NSUN6: variants seen among roughly 807,000 people sequenced by gnomAD.
NSUN6 encodes the protein NOP2/Sun RNA methyltransferase 6.
Under a neutral mutation model 58.0 loss-of-function variants are expected in NSUN6, and 64 were observed. The ratio of observed to expected loss-of-function variants is 1.10; its 90% CI spans 0.90 to 1.36. The LOEUF is 1.36. Among genes scored for constraint, NSUN6 ranks in the 40% most tolerant of loss-of-function variants. The pLI is 0.00. For synonymous variants in NSUN6, 231 were observed against 193.9 expected, an observed-to-expected ratio of 1.19 and a Z score of -1.59; for missense variants, 701 against 550.1, an observed-to-expected ratio of 1.27 and a Z score of -2.74.
intron 3 of NSUN6, among the ~76,000 whole-genome samples, chr10:18,616,650 C>T (rs1453772395): frequency 6.6e-6 from 1 of 152,216 alleles, no homozygotes; most frequent in Admixed American, 6.5e-5. Flanking sequence ...ATTACAAAAA[C>T]ATTTCTAAAG....
chr10:18,652,958 C>T, upstream of NSUN6: 1 of 984,608 alleles, frequency 1.0e-6, no homozygotes, highest in Non-Finnish European at 1.2e-6. Context: ...AGTAATTTGG[C>T]TTCTAGAGCC....
intron 8 of NSUN6, among the ~76,000 whole-genome samples, chr10:18,572,882 TCATTCCATTCTCCATTCCATTTTCCATTC>T (rs2056449784): frequency 6.9e-6 from 1 of 144,332 alleles, no homozygotes; most frequent in Non-Finnish European, 1.5e-5. Context: ...TTTCTCCATT[TCATTCCATTCTCCATTCCATTTTCCATTC>T]CATTCCATCC....
intron 3 of NSUN6, among the ~76,000 whole-genome samples, chr10:18,641,073 T>C (rs1289923145): frequency 1.3e-5 from 2 of 152,122 alleles, no homozygotes; most frequent in Non-Finnish European, 2.9e-5. Context: ...AGCAATTTGC[T>C]TTTGATACTT....
intron 3 of NSUN6, among the ~76,000 whole-genome samples, chr10:18,642,146 G>C (rs1289992503): frequency 6.6e-6 from 1 of 151,808 alleles, no homozygotes; most frequent in African/African-American, 2.4e-5. Context: ...GCTCAAAAAA[G>C]AGTTTTAATT....
chr10:18,632,608 C>T (rs2059072295), intron 3 of NSUN6, among the ~76,000 whole-genome samples: 1 of 152,032 alleles, frequency 6.6e-6, no homozygotes, highest in Non-Finnish European at 1.5e-5. Flanking sequence ...CATGAACAGA[C>T]ACTTCTCAAA....
At chr10:18,565,890 C>T (rs1038121691) in intron 8 of NSUN6, among the ~76,000 whole-genome samples, 2 of 149,874 alleles carry the variant, frequency 1.3e-5, no homozygotes, top group Admixed American at 1.3e-4. Context: ...CCATTCCATT[C>T]TCCATTCCAT....
rs1393253603 is a variant in NSUN6, at chr10:18,651,219, G to A, written c.-16C>T. 1 of 1,536,058 alleles carries A rather than the reference G, an allele frequency of 6.5e-7. No homozygotes were observed. Among genetic ancestry groups the A allele is most frequent in the African/African-American group, 1.4e-5 (1 of 69,924 alleles). On this transcript the variant is annotated 5_prime_UTR_variant, in exon 1 of 11. Coordinates refer to ENST00000377304, the MANE Select transcript of NSUN6 (RefSeq NM_182543.5). ...AAATAGACATTTTTCCTGTTGTTTAGTTCTCCACCAAGAGAAATGCTGGAA... is the reference window on the plus strand; with the variant it reads ...AAATAGACATTTTTCCTGTTGTTTAATTCTCCACCAAGAGAAATGCTGGAA...
At chr10:18,560,863 A>G (rs1260722061) in intron 8 of NSUN6, among the ~76,000 whole-genome samples, 2 of 151,008 alleles carry the variant, frequency 1.3e-5, no homozygotes, top group Non-Finnish European at 3.0e-5. Flanking sequence ...GCAGTGGTGA[A>G]CAGAATGGAA....
In NSUN6 at chr10:18,545,999, C is replaced by G. The variant is rs2054231287; in HGVS notation, c.1344G>C (p.Leu448Phe). 4 of 1,582,460 alleles carry G rather than the reference C, an allele frequency of 2.5e-6. No homozygotes were observed. The highest frequency in any genetic ancestry group is 1.7e-4 in the Middle Eastern group (1 of 5,858). The change falls in exon 11 of 11, where the codon TTG becomes TTC. Residue 448 changes from leucine to phenylalanine, a missense_variant. Coordinates refer to ENST00000377304, the MANE Select transcript of NSUN6 (RefSeq NM_182543.5). ...CTATAGAGTCCTTATTAGCCAGACGCAACATGTCTTCTCTTCTGGCCTCTC... is the reference window on the plus strand; with the variant it reads ...CTATAGAGTCCTTATTAGCCAGACGGAACATGTCTTCTCTTCTGGCCTCTC... ...SLREARREDM[L>F]RLANKDSIGF...
At chr10:18,629,108 T>G (rs559115097) in intron 3 of NSUN6, among the ~76,000 whole-genome samples, 2 of 152,278 alleles carry the variant, frequency 1.3e-5, no homozygotes, top group Non-Finnish European at 1.5e-5. Flanking sequence ...TTCAACATTC[T>G]TAAAGAAAAG....
chr10:18,564,422 G>GTTCCA (rs1439546738), intron 8 of NSUN6, among the ~76,000 whole-genome samples: 1 of 132,164 alleles, frequency 7.6e-6, no homozygotes, highest in Admixed American at 7.7e-5. Context: ...TCCATTCTCC[G>GTTCCA]TTCCATTCCA....
intron 6 of NSUN6, among the ~76,000 whole-genome samples, chr10:18,597,851 C>T (rs2057655034): frequency 1.3e-5 from 2 of 152,158 alleles, no homozygotes; most frequent in Non-Finnish European, 2.9e-5. Context: ...CTAAGATCAC[C>T]ACTTTGAAAC....
chr10:18,655,066 G>A, upstream of NSUN6: 2 of 981,954 alleles, frequency 2.0e-6, no homozygotes, highest in Non-Finnish European at 2.4e-6. Context: ...TGGAACATTG[G>A]AAATTAGCAC....
At chr10:18,560,798 G>A (rs575060450) in intron 8 of NSUN6, among the ~76,000 whole-genome samples, 3 of 151,194 alleles carry the variant, frequency 2.0e-5, no homozygotes, top group Admixed American at 6.6e-5. Context: ...GAATGGTATG[G>A]AGAATGGAGA....
intron 8 of NSUN6, among the ~76,000 whole-genome samples, chr10:18,585,065 C>T (rs1003775154): frequency 1.1e-4 from 17 of 150,972 alleles, no homozygotes; most frequent in African/African-American, 3.9e-4. Context: ...TGAAAGAATG[C>T]CCAATATCGC....
chr10:18,621,942 C>T (rs2058620970), intron 3 of NSUN6, among the ~76,000 whole-genome samples: 1 of 152,062 alleles, frequency 6.6e-6, no homozygotes, highest in African/African-American at 2.4e-5. Context: ...GCAGGACTGC[C>T]ACCTTTATTT....
rs1589846427 is a variant in NSUN6 at position 18,558,651 on chromosome 10, GAGAGTGGAAAGGAATTGAAAATGGAAA to G, written c.923-6707_923-6681del. On this transcript the variant is annotated intron_variant, in intron 8 of 10. Transcript: ENST00000377304. The stretch of plus-strand genomic sequence containing the variant: ...ATGGAATGGAGAATGGAATGGAAGG[GAGAGTGGAAAGGAATTGAAAATGGAAA>G]AGAATGGAATGGAATGGCGGAAGGA... Among the ~76,000 whole-genome samples the G allele has an allele frequency of 4.0e-5, 6 of 150,742 alleles. No individual in the cohort carries two copies. The East Asian group carries it at 1.2e-3, about 30-fold the overall frequency.
upstream of NSUN6, among the ~76,000 whole-genome samples, chr10:18,655,558 A>AACTAAAGT (rs2059767872): frequency 6.6e-6 from 1 of 152,206 alleles, no homozygotes; most frequent in Admixed American, 6.5e-5. Context: ...AAATTCTGAC[A>AACTAAAGT]TGTCAAGAGA....
At chr10:18,557,277 T>C (rs7071192) in intron 8 of NSUN6, among the ~76,000 whole-genome samples, 92,732 of 151,522 alleles carry the variant, frequency 0.61, 28,761 homozygotes, top group East Asian at 0.97. Flanking sequence ...GAGAATGCTA[T>C]GGAATGCAGT....
Sources: gnomAD v4.1 joint callset for allele counts (sites outside exome capture counted in the v4.1 genomes callset) on GRCh38, gnomAD v4.1.1 for gene constraint, MANE v1.5 for transcripts, NCBI Gene and HGNC (gene_info 2026-07-23, HGNC 2026-07-21) for gene names.